The following SMC3 variants were observed in gnomAD, a reference collection of about 807,000 sequenced individuals.
The protein encoded by SMC3 is structural maintenance of chromosomes 3.
Under a neutral mutation model 171.8 loss-of-function variants are expected in SMC3, and 20 were observed. That is an observed-to-expected ratio of 0.12 (90% confidence interval 0.08 to 0.17). The LOEUF is 0.17. SMC3 is among the 10% of genes least tolerant of loss of function. SMC3 has a pLI of 1.00. For synonymous variants in SMC3, 464 were observed against 451.1 expected (o/e 1.03, Z -0.36); for missense variants, 543 against 1,420.4 (o/e 0.38, Z 9.93).
At chr10:110,591,734 A>G (rs933324089) in intron 17 of SMC3, among the ~76,000 whole-genome samples, 1 of 152,216 alleles carries the variant, frequency 6.6e-6, no homozygotes, top group Non-Finnish European at 1.5e-5. Flanking sequence ...GGTAGCATCA[A>G]CTGTTTTACC....
Position 110,580,985 on chromosome 10 carries a change from C to T in SMC3, c.511C>T (p.Arg171Ter). 6.2e-7 allele frequency: 1 copy of T among 1,600,198 alleles called. No homozygotes were observed. Among genetic ancestry groups the T allele is most frequent in the South Asian group, 1.1e-5 (1 of 90,768 alleles). ...AGCTGGTACTAGAGTGTATGACGAA[C>T]GAAAGGAAGAAAGCATCTCCTTAAT... ...EVAGTRVYDE[R>*]KEESISLMKE... is the part of the protein sequence containing the mutation. Residue 171 changes from arginine to a stop codon, truncating the protein, a stop_gained, in exon 8 of 29, where the codon CGA becomes TGA. Coordinates refer to ENST00000361804, the MANE Select transcript of SMC3 (RefSeq NM_005445.4). LOFTEE classifies it high-confidence loss of function.
At chr10:110,568,057 C>T (rs1430759698) in intron 1 of SMC3, among the ~76,000 whole-genome samples, 12 of 152,194 alleles carry the variant, frequency 7.9e-5, no homozygotes, top group African/African-American at 2.9e-4. Context: ...CCTGCTGGCG[C>T]TTGTCTGGGA....
At chr10:110,578,553 A>AG in intron 6 of SMC3, 75 bp from the exon 7 acceptor site, 1 of 1,029,964 alleles carries the variant, frequency 9.7e-7, no homozygotes, top group Non-Finnish European at 1.5e-6. Flanking sequence ...CTATCAACCA[A>AG]GGGGCTACTC....
At chr10:110,592,238 C>T (rs995296085) in intron 17 of SMC3, among the ~76,000 whole-genome samples, 1 of 149,516 alleles carries the variant, frequency 6.7e-6, no homozygotes, top group African/African-American at 2.5e-5. Flanking sequence ...GTACTTCATC[C>T]TGGCAACAGA....
chr10:110,574,214 A>G (rs772524488), intron 3 of SMC3, among the ~76,000 whole-genome samples: 11 of 152,220 alleles, frequency 7.2e-5, no homozygotes, highest in Admixed American at 1.3e-4. Flanking sequence ...TAAACCAATC[A>G]TCTTTGTAAA....
rs1861436053 is a variant in SMC3, at chr10:110,604,356, T to C, written c.*54T>C. The C allele has an allele frequency of 2.4e-6, 3 of 1,276,364 alleles. No homozygotes were observed. 79.1% of individuals were successfully genotyped at this position (1,276,364 alleles called of 1,614,324 possible). On this transcript the variant is annotated 3_prime_UTR_variant, in exon 29 of 29. Transcript: ENST00000361804. ...GATGTATATAGTAATATGATTCTCA[T>C]ACCCAGGAACTGTAAATTTAAACCT...
In SMC3 at chr10:110,604,423, C is replaced by T. The variant is rs1861436847; in HGVS notation, c.*121C>T. On this transcript the variant is annotated 3_prime_UTR_variant, in exon 29 of 29. Transcript: ENST00000361804. ...GTTTTCAGACTTAAAGCATCATAGT[C>T]CTTTTATATTTGTCTTTGTATTTTA... The T allele has an allele frequency of 2.9e-5, 20 of 696,814 alleles. No individual in the cohort carries two copies. In the South Asian group the frequency reaches 3.1e-4, roughly 11 times the overall value. The allele number at this position is 696,814 out of a possible 1,614,324, so 43.2% of individuals were successfully genotyped here.
At chr10:110,594,662 C>T (rs1388925623) in intron 18 of SMC3, among the ~76,000 whole-genome samples, 1 of 151,972 alleles carries the variant, frequency 6.6e-6, no homozygotes, top group Non-Finnish European at 1.5e-5. Flanking sequence ...TACCTGCCCT[C>T]AATTTTTTTT....
At chr10:110,598,548 A>G (rs963363703) in intron 20 of SMC3, among the ~76,000 whole-genome samples, 1 of 152,104 alleles carries the variant, frequency 6.6e-6, no homozygotes, top group Admixed American at 6.6e-5. Flanking sequence ...CTGGGACTAC[A>G]GACATACGCC....
At chr10:110,577,771 C>A (rs962173714) in intron 5 of SMC3, 64 bp from the exon 6 acceptor site, 8 of 1,088,622 alleles carry the variant, frequency 7.3e-6, no homozygotes, top group South Asian at 1.3e-5. Flanking sequence ...TTTAAAATGA[C>A]CTTATTTAAA....
intron 19 of SMC3, among the ~76,000 whole-genome samples, chr10:110,597,862 C>T (rs1487490701): frequency 6.6e-6 from 1 of 152,118 alleles, no homozygotes; most frequent in African/African-American, 2.4e-5. Context: ...CACCTAACCT[C>T]CTTTATGGTT....
At chr10:110,582,711 C>G in intron 10 of SMC3, 69 bp downstream of exon 10, 1 of 1,201,102 alleles carries the variant, frequency 8.3e-7, no homozygotes. Flanking sequence ...TTCTGTCATC[C>G]AGGCTGGAGT....
intron 17 of SMC3, among the ~76,000 whole-genome samples, chr10:110,592,278 A>T (rs77794835): frequency 7.6e-5 from 10 of 131,176 alleles, no homozygotes; most frequent in South Asian, 2.6e-4. Context: ...AAAAAAAAAA[A>T]TTTTATAGAA....
At chr10:110,602,297 A>G (rs148738945) in intron 25 of SMC3, 119 bp downstream of exon 25, 1 of 1,020,714 alleles carries the variant, frequency 9.8e-7, no homozygotes, top group Non-Finnish European at 1.5e-6. Context: ...ATACATGTGA[A>G]CAAACCTAGC....
At chr10:110,572,354 C>G (rs1034186160) in intron 2 of SMC3, among the ~76,000 whole-genome samples, 1 of 152,190 alleles carries the variant, frequency 6.6e-6, no homozygotes, top group Non-Finnish European at 1.5e-5. Flanking sequence ...CAGAAGTGTT[C>G]TTGATAGCAT....
intron 2 of SMC3, among the ~76,000 whole-genome samples, chr10:110,570,796 C>G (rs1033178636): frequency 6.6e-6 from 1 of 152,084 alleles, no homozygotes. Context: ...GTCACTGTTA[C>G]AAAGGAAAAT....
At chr10:110,570,430 CT>C (rs10708289) in intron 2 of SMC3, among the ~76,000 whole-genome samples, 148,861 of 152,078 alleles carry the variant, frequency 0.98, 72,921 homozygotes, top group East Asian at 1. Flanking sequence ...AGAAGGCATA[CT>C]TTTTTTTTCC....
intron 13 of SMC3, among the ~76,000 whole-genome samples, chr10:110,586,472 A>T (rs1289322462): frequency 6.6e-6 from 1 of 152,198 alleles, no homozygotes; most frequent in African/African-American, 2.4e-5. Flanking sequence ...TCTTGAGTTT[A>T]TGAAACCAAC....
chr10:110,590,366 C>T, intron 15 of SMC3, 46 bp from the exon 16 acceptor site: 1 of 1,497,422 alleles, frequency 6.7e-7, no homozygotes, highest in Non-Finnish European at 9.3e-7. Flanking sequence ...CCAGGAGTGC[C>T]ATTGATGATA....
Sources: allele counts gnomAD v4.1 joint callset (sites outside exome capture counted in the v4.1 genomes callset), GRCh38; gene constraint gnomAD v4.1.1; transcripts MANE v1.5; gene names NCBI Gene and HGNC (gene_info 2026-07-23, HGNC 2026-07-21).